SYNE1: variants seen among roughly 807,000 people sequenced by gnomAD.
The protein encoded by SYNE1 is nesprin-1.
In SYNE1, 616 loss-of-function variants were observed where a neutral mutation model predicts 1,111.0. The ratio of observed to expected loss-of-function variants is 0.55; its 90% confidence interval spans 0.52 to 0.59. The LOEUF (loss-of-function observed/expected upper bound fraction) is 0.59, where lower values mean the gene tolerates loss of function less well. Ranked by LOEUF, SYNE1 falls within the 20% of genes least tolerant of loss-of-function variation. The pLI is 0.00. For missense variants in SYNE1, 10,006 were observed against 10,417.0 expected (o/e 0.96, Z 1.72); for synonymous variants, 3,855 against 3,825.8 (o/e 1.01, Z -0.28).
At chr6:152,579,244 T>C (rs1398654499) in intron 3 of SYNE1, among the ~76,000 whole-genome samples, 1 of 152,198 alleles carries the variant, frequency 6.6e-6, no homozygotes. Context: ...CTGTGACAAG[T>C]AGGATATGTA....
At chr6:152,515,197 G>C (rs1289165078) in intron 6 of SYNE1, among the ~76,000 whole-genome samples, 1 of 151,318 alleles carries the variant, frequency 6.6e-6, no homozygotes, top group Non-Finnish European at 1.5e-5. Flanking sequence ...ACTCCAGCCT[G>C]GGTGACAAAG....
intron 123 of SYNE1, among the ~76,000 whole-genome samples, 170 bp from the exon 124 acceptor site, chr6:152,211,758 T>C (rs905484407): frequency 3.3e-5 from 5 of 152,166 alleles, no homozygotes; most frequent in African/African-American, 1.2e-4. Flanking sequence ...TTTTAAATCA[T>C]CAATTAAGAT....
chr6:152,202,438 G>C (rs2075696225), intron 126 of SYNE1, among the ~76,000 whole-genome samples: 1 of 151,836 alleles, frequency 6.6e-6, no homozygotes. Context: ...CATTGCCAGG[G>C]GAGGCAACAT....
intron 4 of SYNE1, among the ~76,000 whole-genome samples, chr6:152,529,295 A>G (rs894077312): frequency 6.6e-6 from 1 of 152,198 alleles, no homozygotes. Context: ...TTTATGCATG[A>G]ACATTTTTTA....
At chr6:152,452,833 C>A (rs144162860) in intron 25 of SYNE1, among the ~76,000 whole-genome samples, 27 of 152,208 alleles carry the variant, frequency 1.8e-4, no homozygotes, top group African/African-American at 6.5e-4. Flanking sequence ...AAAAGTCAGA[C>A]GGAAGCCCGC....
chr6:152,249,982 T>G (rs2088634063), intron 104 of SYNE1, among the ~76,000 whole-genome samples: 1 of 152,076 alleles, frequency 6.6e-6, no homozygotes, highest in Admixed American at 6.6e-5. Context: ...TATAAAAAAT[T>G]TTGGCCAGGT....
intron 3 of SYNE1, among the ~76,000 whole-genome samples, chr6:152,601,619 A>C (rs1248492083): frequency 2.0e-5 from 3 of 152,202 alleles, no homozygotes; most frequent in African/African-American, 7.2e-5. Flanking sequence ...AGTTCAGGCC[A>C]TAGGCAGGAG....
chr6:152,367,008 T>C (rs1266748465), intron 62 of SYNE1: 1 of 709,530 alleles, frequency 1.4e-6, no homozygotes, highest in African/African-American at 1.8e-5. Context: ...TCGGGCTTTA[T>C]TTTATTTTAT....
chr6:152,549,116 A>G (rs73782885), intron 3 of SYNE1, among the ~76,000 whole-genome samples: 8,096 of 152,282 alleles, frequency 0.053, 697 homozygotes, highest in African/African-American at 0.18. Flanking sequence ...ACTCAGCCAC[A>G]GGTGAACCCA....
chr6:152,428,332 T>C lies in SYNE1; in HGVS notation c.4849A>G (p.Arg1617Gly). 6.2e-7 allele frequency: 1 copy of C among 1,614,130 alleles called. No homozygotes were observed. Among genetic ancestry groups the C allele is most frequent in the East Asian group, 2.2e-5 (1 of 44,876 alleles). Residue 1617 changes from arginine (R) to glycine (G), a missense_variant, in exon 37 of 146, where the codon AGG becomes GGG. Coordinates refer to ENST00000367255, the MANE Select transcript of SYNE1 (RefSeq NM_182961.4). ...SAITAFSASA[R>G]KVVNRDSCVQ... Reference sequence around the variant, plus strand: ...CAGGAATCTCTGTTCACAACCTTCCTGGCACTGGCTGAGAAGGCAGTGATC... The same window carrying C: ...CAGGAATCTCTGTTCACAACCTTCCCGGCACTGGCTGAGAAGGCAGTGATC...
chr6:152,209,599 A>C (rs1398077891), intron 124 of SYNE1, among the ~76,000 whole-genome samples: 1 of 151,922 alleles, frequency 6.6e-6, no homozygotes. Flanking sequence ...CAAATACAAA[A>C]ATTAGCCGGG....
intron 130 of SYNE1, among the ~76,000 whole-genome samples, chr6:152,172,444 G>T (rs1159752294): frequency 6.6e-6 from 1 of 152,138 alleles, no homozygotes; most frequent in Non-Finnish European, 1.5e-5. Context: ...TTAGCCGAGA[G>T]AAAAAGAATT....
At chr6:152,384,809 G>C (rs1233343898) in intron 55 of SYNE1, among the ~76,000 whole-genome samples, 1 of 152,022 alleles carries the variant, frequency 6.6e-6, no homozygotes, top group East Asian at 1.9e-4. Flanking sequence ...GAACCCAGGA[G>C]GCAGAGGTTG....
At chr6:152,138,411 C>T (rs1292629234) in intron 140 of SYNE1, among the ~76,000 whole-genome samples, 14 of 151,398 alleles carry the variant, frequency 9.2e-5, no homozygotes, top group African/African-American at 3.2e-4. Flanking sequence ...CTCAGGAGGC[C>T]GAGGCAGGAG....
chr6:152,277,455 T>C (rs1158879275), intron 98 of SYNE1: 2 of 151,124 alleles, frequency 1.3e-5, no homozygotes. Context: ...TTTTTTTTTT[T>C]TTTTGTATTT....
intron 3 of SYNE1, among the ~76,000 whole-genome samples, chr6:152,585,993 T>C (rs1370660986): frequency 1.3e-5 from 2 of 152,140 alleles, no homozygotes; most frequent in Non-Finnish European, 2.9e-5. Context: ...TCCTTTCCTC[T>C]GCTTCCCTAT....
chr6:152,329,225 T>C (rs966026605), intron 78 of SYNE1, among the ~76,000 whole-genome samples: 1 of 152,096 alleles, frequency 6.6e-6, no homozygotes, highest in African/African-American at 2.4e-5. Flanking sequence ...ATCATGCACA[T>C]AAACAATTAA....
At position 152,219,005 on chromosome 6, in the gene SYNE1, G is replaced by C. The variant is rs2079430530; in HGVS notation, c.22042C>G (p.Gln7348Glu). The C allele has an allele frequency of 6.2e-7, 1 of 1,613,844 alleles. No homozygotes were observed. The highest frequency in any genetic ancestry group is 8.5e-7 in the Non-Finnish European group (1 of 1,179,978). The change falls in exon 120 of 146, where the codon CAG (glutamine) becomes GAG (glutamate). Residue 7348 changes from glutamine (Q) to glutamate (E), a missense_variant and splice_region_variant. By Grantham distance (29) the Gln-to-Glu change is conservative. Around this residue, in one of 7 missense-constraint regions of SYNE1, gnomAD observed 2,182 missense variants for 2,287.8 expected, o/e 0.95. Transcript: ENST00000367255. ...QALCKQQTSL[Q>E]AGVLDYETFA... ...GATACTAAATAGGAGCTCTGTACCT[G>C]TAATGAAGTCTGCTGTTTGCAGAGA...
At chr6:152,453,324 C>T (rs2098666716) in intron 25 of SYNE1, 13 of 598,722 alleles carry the variant, frequency 2.2e-5, no homozygotes, top group Non-Finnish European at 2.6e-5. Context: ...TTCTTGCACC[C>T]TGGATTAAAA....
Sources: allele counts gnomAD v4.1 joint callset (sites outside exome capture counted in the v4.1 genomes callset), GRCh38; gene constraint gnomAD v4.1.1; regional missense constraint gnomAD v4.1.1; transcripts MANE v1.5; gene names NCBI Gene and HGNC (gene_info 2026-07-23, HGNC 2026-07-21).